The following AVL9 variants were observed in gnomAD, a reference collection of about 807,000 sequenced individuals.
The protein encoded by AVL9 is AVL9 cell migration associated.
Under a neutral mutation model 79.2 loss-of-function variants are expected in AVL9, and 49 were observed. That is an observed-to-expected ratio of 0.62 (90% CI 0.49 to 0.79). The LOEUF is 0.79. AVL9 is among the 30% of genes least tolerant of loss of function. The pLI, the probability that AVL9 is intolerant of heterozygous loss-of-function variation, is 0.00. For missense variants in AVL9, 682 were observed against 776.8 expected (o/e 0.88, Z 1.45); for synonymous variants, 299 against 280.6 (o/e 1.07, Z -0.65).
At chr7:32,509,464 T>A (rs1052766482) in intron 1 of AVL9, among the ~76,000 whole-genome samples, 4 of 152,116 alleles carry the variant, frequency 2.6e-5, no homozygotes, top group African/African-American at 9.7e-5. Context: ...GATTAACGCT[T>A]TTTACTCCTC....
At chr7:32,510,417 G>A (rs866271971) in intron 1 of AVL9, among the ~76,000 whole-genome samples, 2,127 of 103,226 alleles carry the variant, frequency 0.021, 36 homozygotes, top group Non-Finnish European at 0.033. Flanking sequence ...GGCTGTGGGA[G>A]TCCACAGTCC....
At position 32,573,249 on chromosome 7, in the gene AVL9, TAACCCAACC is replaced by T; in HGVS notation, c.1403_1411del (p.Asn468_Thr470del). 1 of 1,613,956 alleles carries T rather than the reference TAACCCAACC, an allele frequency of 6.2e-7. No homozygotes were observed. Among genetic ancestry groups the T allele is most frequent in the Non-Finnish European group, 8.5e-7 (1 of 1,179,996 alleles). ...ATGATCCAGAACTCAGGAAGCTGCTTAACCCAACCACTGCAGACCTAAGGTTCGCAGACT... is the reference window on the plus strand; with the variant it reads ...ATGATCCAGAACTCAGGAAGCTGCTTACTGCAGACCTAAGGTTCGCAGACT... On this transcript the variant is annotated inframe_deletion, in exon 12 of 16. Coordinates refer to ENST00000318709, the MANE Select transcript of AVL9 (RefSeq NM_015060.3).
At chr7:32,548,153 T>TTTGTTTTCTTTTTGTTTTTTG (rs748923227) in intron 3 of AVL9, among the ~76,000 whole-genome samples, 2 of 145,008 alleles carry the variant, frequency 1.4e-5, no homozygotes, top group African/African-American at 2.5e-5. Flanking sequence ...TCTTTTTTCT[T>TTTGTTTTCTTTTTGTTTTTTG]TTTTTTTTTT....
chr7:32,580,637 TA>T, intron 14 of AVL9, 164 bp from the exon 15 acceptor site: 1 of 604,076 alleles, frequency 1.7e-6, no homozygotes. Flanking sequence ...AAAAGGTTAA[TA>T]AATTAATTCA....
At chr7:32,523,071 A>AT in intron 1 of AVL9, among the ~76,000 whole-genome samples, 1 of 148,100 alleles carries the variant, frequency 6.8e-6, no homozygotes, top group South Asian at 2.1e-4. Context: ...ATGAAAATGG[A>AT]TTTGAATACA....
intron 1 of AVL9, among the ~76,000 whole-genome samples, chr7:32,541,112 G>C (rs543583226): frequency 6.6e-6 from 1 of 151,242 alleles, no homozygotes; most frequent in Non-Finnish European, 1.5e-5. Flanking sequence ...CGTTTTAGCC[G>C]GGATGGTCTC....
At chr7:32,548,352 T>G (rs765682373) in intron 3 of AVL9, among the ~76,000 whole-genome samples, 1 of 152,044 alleles carries the variant, frequency 6.6e-6, no homozygotes, top group Non-Finnish European at 1.5e-5. Context: ...TTCACCATGT[T>G]GACCAGGCTG....
rs1790208740 is a variant in AVL9 at position 32,559,011 on chromosome 7, T to G, written c.762T>G (p.Ser254Arg). ...SMSEDGGLQE[S>R]NPCADDFVSA... is the part of the protein sequence containing the mutation. ...CTGAAGATGGTGGGCTTCAGGAAAG[T>G]AACCCATGTGCAGATGATTTTGTTT... The change falls in exon 10 of 16, where the codon AGT becomes AGG. Residue 254 changes from serine (S) to arginine (R), a missense_variant. By Grantham distance (110) the Ser-to-Arg change is moderately radical. Transcript: ENST00000318709. 6.2e-7 allele frequency: 1 copy of G among 1,613,848 alleles called. No homozygotes were observed. The highest frequency in any genetic ancestry group is 8.5e-7 in the Non-Finnish European group (1 of 1,179,936).
intron 3 of AVL9, among the ~76,000 whole-genome samples, chr7:32,546,098 A>C (rs1368657167): frequency 1.6e-5 from 2 of 121,672 alleles, no homozygotes; most frequent in East Asian, 2.2e-4. Context: ...ATCTGTACCT[A>C]GCTTTTCCTC....
chr7:32,583,713 T>C (rs1385410474), intron 15 of AVL9, 79 bp from the exon 16 acceptor site: 2 of 843,040 alleles, frequency 2.4e-6, no homozygotes, highest in Non-Finnish European at 3.7e-6. Flanking sequence ...ATTAAAAATG[T>C]ATTAATTATG....
Position 32,553,688 on chromosome 7 carries a change from C to T in AVL9, c.530-39C>T, listed in dbSNP as rs774337080. 3.3e-6 allele frequency: 5 copies of T among 1,536,324 alleles called. No individual in the cohort carries two copies. In the East Asian group the frequency reaches 6.8e-5, roughly 21 times the overall value. On this transcript the variant is annotated intron_variant, in intron 6 of 15. Transcript: ENST00000318709. ...TAACCTTTCTGCAGCAAAAACATTA[C>T]ATTGTAGTCACACTTGAGCTTTTTT... is the stretch of plus-strand genomic sequence containing the variant.
chr7:32,540,967 T>C (rs1262631651), intron 1 of AVL9, among the ~76,000 whole-genome samples: 3 of 134,726 alleles, frequency 2.2e-5, no homozygotes, highest in African/African-American at 8.2e-5. Flanking sequence ...GGCGGGATCT[T>C]GGCTCACTGC....
At chr7:32,571,716 G>A (rs568717881) in intron 11 of AVL9, among the ~76,000 whole-genome samples, 12 of 151,204 alleles carry the variant, frequency 7.9e-5, no homozygotes, top group Non-Finnish European at 1.6e-4. Flanking sequence ...GATACAGATG[G>A]GAGGACCATA....
intron 1 of AVL9, among the ~76,000 whole-genome samples, chr7:32,527,637 CT>C (rs1788461795): frequency 6.6e-6 from 1 of 152,150 alleles, no homozygotes; most frequent in Admixed American, 6.5e-5. Flanking sequence ...CTTGCTGACT[CT>C]AACACCCTTG....
intron 10 of AVL9, among the ~76,000 whole-genome samples, chr7:32,564,435 G>A (rs1790466671): frequency 6.6e-6 from 1 of 152,120 alleles, no homozygotes; most frequent in African/African-American, 2.4e-5. Flanking sequence ...TTGTACAGAA[G>A]GAATTAGGTT....
At position 32,551,605 on chromosome 7, in the gene AVL9, C is replaced by CTTTTTTTTTTTTTTTT. The variant is rs60271681; in HGVS notation, c.462+186_462+201dup. ...TGCCCAAATACTAAATTTAACCAAA[C>CTTTTTTTTTTTTTTTT]TTTTTTTTTTTTTTTTTTTAGGAAA... On this transcript the variant is annotated intron_variant, in intron 5 of 15. Coordinates refer to ENST00000318709, the MANE Select transcript of AVL9 (RefSeq NM_015060.3). Among the ~76,000 whole-genome samples the CTTTTTTTTTTTTTTTT allele has an allele frequency of 3.2e-4, 30 of 93,752 alleles. 3 individuals are homozygous for CTTTTTTTTTTTTTTTT. The highest frequency in any genetic ancestry group is 1.1e-3 in the African/African-American group (25 of 22,872). The allele number at this position is 93,752 out of a possible 152,430, so 61.5% of individuals were successfully genotyped here.
Position 32,548,886 on chromosome 7 carries a change from G to A in AVL9, c.340G>A (p.Val114Ile), listed in dbSNP as rs769179589. 13 of 1,576,788 alleles carry A rather than the reference G, an allele frequency of 8.2e-6. No individual in the cohort carries two copies. The highest frequency in any genetic ancestry group is 1.0e-5 in the Non-Finnish European group (12 of 1,162,908). Residue 114 changes from valine (V) to isoleucine (I), a missense_variant, in exon 4 of 16, where the codon GTT (valine) becomes ATT (isoleucine). Coordinates refer to ENST00000318709, the MANE Select transcript of AVL9 (RefSeq NM_015060.3). ...GCAAGCAGATATCACCAGAGAGACT[G>A]TTCAGAAAAGTGTCTGTGTTCTAAG... is the stretch of plus-strand genomic sequence containing the variant. ...VRQADITRET[V>I]QKSVCVLSKL...
intron 1 of AVL9, among the ~76,000 whole-genome samples, chr7:32,509,403 C>T (rs1303182553): frequency 6.6e-6 from 1 of 152,150 alleles, no homozygotes; most frequent in Non-Finnish European, 1.5e-5. Flanking sequence ...CCTGTTCTTG[C>T]ATTGACTTGA....
At chr7:32,530,957 T>TAA (rs891495820) in intron 1 of AVL9, among the ~76,000 whole-genome samples, 1 of 148,048 alleles carries the variant, frequency 6.8e-6, no homozygotes, top group Non-Finnish European at 1.5e-5. Flanking sequence ...CTCCACCTAT[T>TAA]AAAAAAAAAA....
Sources: gnomAD v4.1 joint callset for allele counts (sites outside exome capture counted in the v4.1 genomes callset) on GRCh38, gnomAD v4.1.1 for gene constraint, MANE v1.5 for transcripts, NCBI Gene and HGNC (gene_info 2026-07-23, HGNC 2026-07-21) for gene names.